The following PSMD1 variants were observed in gnomAD, a reference collection of about 807,000 sequenced individuals.
The protein encoded by PSMD1 is proteasome 26S subunit, non-ATPase 1.
PSMD1 carries 18 observed loss-of-function variants against 119.0 expected under a neutral mutation model. The observed-to-expected ratio is 0.15, with a 90% CI of 0.10 to 0.22. The LOEUF (loss-of-function observed/expected upper bound fraction) is 0.22, where lower values mean the gene tolerates loss of function less well. PSMD1 is among the 10% of genes least tolerant of loss of function. PSMD1 has a pLI of 1.00. For missense variants in PSMD1, 702 were observed against 1,158.5 expected (o/e 0.61, Z 5.72); for synonymous variants, 374 against 396.6 (o/e 0.94, Z 0.68).
intron 16 of PSMD1, among the ~76,000 whole-genome samples, chr2:231,121,979 A>G (rs559821912): frequency 1.3e-5 from 2 of 152,108 alleles, no homozygotes; most frequent in South Asian, 4.2e-4. Context: ...TACAGTATTT[A>G]TCAAATATGC....
intron 17 of PSMD1, among the ~76,000 whole-genome samples, chr2:231,142,734 C>G (rs529604579): frequency 7.2e-5 from 11 of 152,042 alleles, no homozygotes; most frequent in African/African-American, 2.7e-4. Context: ...CTTTTACCTT[C>G]TAAAATGGAA....
intron 19 of PSMD1, among the ~76,000 whole-genome samples, chr2:231,156,004 T>G (rs1696497558): frequency 6.6e-6 from 1 of 152,134 alleles, no homozygotes; most frequent in African/African-American, 2.4e-5. Flanking sequence ...ATGTTTATGT[T>G]GTCAACAGTT....
intron 16 of PSMD1, chr2:231,124,966 G>C (rs1695684338): frequency 6.6e-6 from 1 of 151,668 alleles, no homozygotes; most frequent in African/African-American, 2.4e-5. Context: ...TTTATTAAAT[G>C]CTTACCTCTG....
Position 231,170,703 on chromosome 2 carries a change from T to A in PSMD1, c.2853T>A (p.Ile951=). The change falls in exon 24 of 25, where the codon ATT becomes ATA. Residue 951 remains isoleucine (I), a synonymous_variant. Coordinates refer to ENST00000308696, the MANE Select transcript of PSMD1 (RefSeq NM_002807.4). The surrounding 1 kb of genome is among the most constrained non-coding windows in gnomAD (Gnocchi z 4.1). ...AACCCCCAGAACCATTTGAGTATAT[T>A]GATGATTAAGGGCCAGAGGTGCGTG... ...EPEPPEPFEY[I]DD The A allele has an allele frequency of 6.2e-7, 1 of 1,611,154 alleles. No individual in the cohort carries two copies. Among genetic ancestry groups the A allele is most frequent in the Non-Finnish European group, 8.5e-7 (1 of 1,179,112 alleles).
intron 19 of PSMD1, among the ~76,000 whole-genome samples, chr2:231,156,097 A>G (rs1696499724): frequency 6.6e-6 from 1 of 152,092 alleles, no homozygotes. Context: ...TTCAGTGCCC[A>G]TTTCTTTTAT....
chr2:231,120,768 T>A (rs1695512566), intron 16 of PSMD1, among the ~76,000 whole-genome samples: 1 of 152,240 alleles, frequency 6.6e-6, no homozygotes, highest in Admixed American at 6.5e-5. Flanking sequence ...GCTAAAATTA[T>A]TGCTCATAGT....
Position 231,056,882 on chromosome 2 carries a change from G to C in PSMD1, c.-144G>C. The C allele has an allele frequency of 8.5e-7, 1 of 1,174,650 alleles. No homozygotes were observed. The highest frequency in any genetic ancestry group is 2.1e-5 in the Admixed American group (1 of 47,814). The allele number at this position is 1,174,650 out of a possible 1,614,324, so 72.8% of individuals were successfully genotyped here. The stretch of plus-strand genomic sequence containing the variant: ...GGCGGGCGGGGTCCTGGCGAGAAGC[G>C]AGCCGGCGGCCTGAGGAGGCGACTG... On this transcript the variant is annotated 5_prime_UTR_variant, in exon 1 of 25. Coordinates refer to ENST00000308696, the MANE Select transcript of PSMD1 (RefSeq NM_002807.4).
intron 16 of PSMD1, among the ~76,000 whole-genome samples, chr2:231,120,935 T>C (rs1022469650): frequency 1.2e-4 from 19 of 152,232 alleles, no homozygotes; most frequent in Non-Finnish European, 1.5e-4. Context: ...AATCTTTGTG[T>C]TTATTAACTT....
chr2:231,157,727 C>T (rs997635882), intron 19 of PSMD1, among the ~76,000 whole-genome samples: 1 of 151,670 alleles, frequency 6.6e-6, no homozygotes, highest in African/African-American at 2.4e-5. Context: ...CCGCCATGCC[C>T]GGCAAATTTT....
At chr2:231,061,889 A>G (rs1036788165) in intron 2 of PSMD1, among the ~76,000 whole-genome samples, 8 of 152,180 alleles carry the variant, frequency 5.3e-5, no homozygotes, top group Non-Finnish European at 1.0e-4. Context: ...CCCCAGTTTC[A>G]TTATCAACAG....
At chr2:231,145,573 T>C (rs1386471122) in intron 17 of PSMD1, among the ~76,000 whole-genome samples, 4 of 152,124 alleles carry the variant, frequency 2.6e-5, no homozygotes, top group Admixed American at 6.5e-5. Flanking sequence ...TTTTAATTTT[T>C]TGACTCTTGT....
intron 5 of PSMD1, among the ~76,000 whole-genome samples, chr2:231,069,504 TA>T (rs1052213269): frequency 6.6e-6 from 1 of 152,192 alleles, no homozygotes; most frequent in Non-Finnish European, 1.5e-5. Flanking sequence ...AATCACCAAG[TA>T]AACACATAGA....
chr2:231,075,843 A>T (rs1273619472), intron 8 of PSMD1, among the ~76,000 whole-genome samples: 2 of 152,182 alleles, frequency 1.3e-5, no homozygotes, highest in African/African-American at 4.8e-5. Context: ...TTGGCCTCCC[A>T]GAGTGCTGGG....
Position 231,079,643 on chromosome 2 carries a change from C to T in PSMD1, c.1239+29C>T, listed in dbSNP as rs780127790. On this transcript the variant is annotated intron_variant, in intron 11 of 24. Coordinates refer to ENST00000308696, the MANE Select transcript of PSMD1 (RefSeq NM_002807.4). ...ATATATATTGGTCAGTGTATACAGG[C>T]ATCAGAAAAGAAGTAATTTTTCTGG... 3.6e-6 allele frequency: 5 copies of T among 1,396,810 alleles called. No individual in the cohort carries two copies. In the East Asian group the frequency reaches 7.1e-5, roughly 20 times the overall value. The allele number at this position is 1,396,810 out of a possible 1,614,324, so 86.5% of individuals were successfully genotyped here. A position where few individuals can be genotyped will look rare whatever the true frequency, so the allele number is the denominator to read the frequency against.
intron 17 of PSMD1, among the ~76,000 whole-genome samples, chr2:231,143,921 A>G (rs1459060872): frequency 2.0e-5 from 3 of 152,292 alleles, no homozygotes; most frequent in Non-Finnish European, 2.9e-5. Flanking sequence ...ATTCTAGTCT[A>G]TGATTTCATT....
At chr2:231,094,142 G>A (rs989833288) in intron 16 of PSMD1, among the ~76,000 whole-genome samples, 6 of 152,024 alleles carry the variant, frequency 3.9e-5, no homozygotes, top group African/African-American at 1.4e-4. Context: ...TTGGAGGGGC[G>A]GTGCCGTCCT....
Position 231,165,172 on chromosome 2 carries a change from C to A in PSMD1, c.2482-28C>A, listed in dbSNP as rs372045613. ...ATGTTTGTATGTCAGTAAGGGATTACAACAGTTTACCCTGCTCATTTCCCC... is the reference window on the plus strand; with the variant it reads ...ATGTTTGTATGTCAGTAAGGGATTAAAACAGTTTACCCTGCTCATTTCCCC... On this transcript the variant is annotated intron_variant, in intron 21 of 24. Coordinates refer to ENST00000308696, the MANE Select transcript of PSMD1 (RefSeq NM_002807.4). 7 of 1,562,666 alleles carry A rather than the reference C, an allele frequency of 4.5e-6. No individual in the cohort carries two copies. In the African/African-American group the frequency reaches 8.3e-5, roughly 18 times the overall value.
Position 231,165,159 on chromosome 2 carries a change from C to T in PSMD1, c.2482-41C>T, listed in dbSNP as rs550179247. On this transcript the variant is annotated intron_variant, in intron 21 of 24. Coordinates refer to ENST00000308696, the MANE Select transcript of PSMD1 (RefSeq NM_002807.4). Reference sequence around the variant, plus strand: ...CTCTAGGGCTTGCATGTTTGTATGTCAGTAAGGGATTACAACAGTTTACCC... The same window carrying T: ...CTCTAGGGCTTGCATGTTTGTATGTTAGTAAGGGATTACAACAGTTTACCC... The T allele has an allele frequency of 1.3e-4, 199 of 1,506,496 alleles. 4 individuals are homozygous for T. In the South Asian group the frequency reaches 2.4e-3, roughly 18 times the overall value. 93.3% of individuals were successfully genotyped at this position (1,506,496 alleles called of 1,614,324 possible).
Position 231,088,724 on chromosome 2 carries a change from A to G in PSMD1, c.1883+1543A>G, listed in dbSNP as rs2125179468. ...ACTCCCTATTCCCTGAGACACAATA[A>G]TATTGAAATTAGGCCAGTTAATAAC... is the stretch of plus-strand genomic sequence containing the variant. On this transcript the variant is annotated intron_variant, in intron 16 of 24. Transcript: ENST00000308696. 1.3e-5 allele frequency among the ~76,000 whole-genome samples: 2 copies of G among 152,304 alleles called. 1 individual carries two copies. Among genetic ancestry groups the G allele is most frequent in the South Asian group, 4.1e-4 (2 of 4,828 alleles).
Sources: allele counts gnomAD v4.1 joint callset (sites outside exome capture counted in the v4.1 genomes callset), GRCh38; gene constraint gnomAD v4.1.1; non-coding constraint Gnocchi (gnomAD v3.1); transcripts MANE v1.5; gene names NCBI Gene and HGNC (gene_info 2026-07-23, HGNC 2026-07-21).